Variants in TRPC4 observed in about 807,000 individuals in gnomAD.
The protein encoded by TRPC4 is short transient receptor potential channel 4.
Under a neutral mutation model 99.4 loss-of-function variants are expected in TRPC4, and 49 were observed. That is an observed-to-expected ratio of 0.49 (90% CI 0.39 to 0.63). The LOEUF (loss-of-function observed/expected upper bound fraction) is 0.63, where lower values mean the gene tolerates loss of function less well. TRPC4 is among the 20% of genes least tolerant of loss of function. The pLI, the probability that TRPC4 is intolerant of heterozygous loss-of-function variation, is 0.00. For synonymous variants in TRPC4, 454 were observed against 425.9 expected (o/e 1.07, Z -0.81); for missense variants, 898 against 1,152.9 (o/e 0.78, Z 3.20).
At chr13:37,697,167 A>G (rs151164974) in intron 3 of TRPC4, among the ~76,000 whole-genome samples, 1 of 152,278 alleles carries the variant, frequency 6.6e-6, no homozygotes, top group Non-Finnish European at 1.5e-5. Context: ...AGCCAATAGC[A>G]TTCAGCATCA....
chr13:37,744,896 G>C (rs1955693793), intron 3 of TRPC4, among the ~76,000 whole-genome samples: 1 of 152,002 alleles, frequency 6.6e-6, no homozygotes, highest in South Asian at 2.1e-4. Flanking sequence ...AGAAGTATGA[G>C]ATTCTGTTAT....
rs1555265679 is a variant in TRPC4, at chr13:37,745,452, A to ATATATATATGCG, written c.897+484_897+485insCGCATATATATA. Among the ~76,000 whole-genome samples the ATATATATATGCG allele has an allele frequency of 9.0e-3, 25 of 2,780 alleles. No homozygotes were observed. In the East Asian group the frequency reaches 0.1, roughly 11 times the overall value. 1.8% of individuals were successfully genotyped at this position (2,780 alleles called of 152,430 possible). ...TATATATGCGTATATATATATATAT[A>ATATATATATGCG]TATATATATATATATATATATACAC... On this transcript the variant is annotated intron_variant, in intron 3 of 10. Transcript: ENST00000379705.
chr13:37,817,878 A>G (rs1013492910), intron 1 of TRPC4, among the ~76,000 whole-genome samples: 5 of 152,004 alleles, frequency 3.3e-5, no homozygotes, highest in Non-Finnish European at 7.4e-5. Context: ...CATATAGAAA[A>G]ATCAACTCAT....
intron 3 of TRPC4, among the ~76,000 whole-genome samples, chr13:37,692,650 C>G (rs1953755922): frequency 6.6e-6 from 1 of 152,124 alleles, no homozygotes; most frequent in African/African-American, 2.4e-5. Context: ...GTGAACAAAG[C>G]AGTTTATAAA....
intron 5 of TRPC4, among the ~76,000 whole-genome samples, chr13:37,665,996 C>G (rs1952635467): frequency 6.6e-6 from 1 of 152,036 alleles, no homozygotes; most frequent in Non-Finnish European, 1.5e-5. Context: ...TATGCAAGGT[C>G]AAGGCTTTAG....
intron 3 of TRPC4, among the ~76,000 whole-genome samples, chr13:37,701,905 G>A (rs892240574): frequency 6.6e-6 from 1 of 152,048 alleles, no homozygotes; most frequent in African/African-American, 2.4e-5. Context: ...TAGTTCCTAA[G>A]GGCTGCCATA....
intron 2 of TRPC4, among the ~76,000 whole-genome samples, chr13:37,748,334 G>A (rs1294264848): frequency 6.6e-6 from 1 of 152,104 alleles, no homozygotes; most frequent in Non-Finnish European, 1.5e-5. Context: ...TCTGGATTCA[G>A]TACAATTTCA....
At chr13:37,753,523 C>A (rs1399704298) in intron 2 of TRPC4, among the ~76,000 whole-genome samples, 1 of 149,758 alleles carries the variant, frequency 6.7e-6, no homozygotes, top group South Asian at 2.1e-4. Context: ...TATGATTGCA[C>A]CCTGCCAGAC....
chr13:37,857,093 A>G (rs1242181556), intron 1 of TRPC4, among the ~76,000 whole-genome samples: 2 of 151,742 alleles, frequency 1.3e-5, no homozygotes, highest in Non-Finnish European at 3.0e-5. Context: ...AAGATACAAA[A>G]TTAATGTACA....
intron 1 of TRPC4, among the ~76,000 whole-genome samples, chr13:37,856,751 C>T (rs1403423087): frequency 6.6e-6 from 1 of 151,590 alleles, no homozygotes; most frequent in Non-Finnish European, 1.5e-5. Context: ...CAGTGTGATA[C>T]ATCATATAAA....
At chr13:37,848,670 A>T (rs1048543600) in intron 1 of TRPC4, among the ~76,000 whole-genome samples, 1 of 152,144 alleles carries the variant, frequency 6.6e-6, no homozygotes, top group African/African-American at 2.4e-5. Flanking sequence ...TTAGGAGATG[A>T]TCAAAAGGTT....
At chr13:37,774,419 T>C (rs993185401) in intron 2 of TRPC4, among the ~76,000 whole-genome samples, 4 of 151,830 alleles carry the variant, frequency 2.6e-5, no homozygotes, top group African/African-American at 9.7e-5. Context: ...AACGAGTGTA[T>C]AAAACATAAA....
intron 2 of TRPC4, among the ~76,000 whole-genome samples, chr13:37,761,415 G>A (rs1956219219): frequency 6.6e-6 from 1 of 151,896 alleles, no homozygotes; most frequent in Non-Finnish European, 1.5e-5. Flanking sequence ...AGGTAAGGCA[G>A]TTGCGACATC....
chr13:37,686,219 T>C (rs755413155), intron 4 of TRPC4, among the ~76,000 whole-genome samples: 1 of 152,018 alleles, frequency 6.6e-6, no homozygotes, highest in South Asian at 2.1e-4. Flanking sequence ...TCTTAATGAC[T>C]TTAGACAAAA....
chr13:37,674,164 C>A, intron 5 of TRPC4, 64 bp downstream of exon 5: 1 of 1,375,768 alleles, frequency 7.3e-7, no homozygotes, highest in Non-Finnish European at 9.6e-7. Flanking sequence ...AAATTAATAT[C>A]AGTTGAAAGT....
At chr13:37,646,088 G>A (rs546205944) in intron 8 of TRPC4, among the ~76,000 whole-genome samples, 4 of 152,320 alleles carry the variant, frequency 2.6e-5, no homozygotes, top group African/African-American at 7.2e-5. Flanking sequence ...TGTACTATGA[G>A]CATTTTTTCT....
At chr13:37,853,691 G>C (rs1437933783) in intron 1 of TRPC4, among the ~76,000 whole-genome samples, 2 of 152,030 alleles carry the variant, frequency 1.3e-5, no homozygotes, top group African/African-American at 2.4e-5. Flanking sequence ...CACAGGGAAG[G>C]AGTTCAGAAT....
At chr13:37,706,287 A>G (rs71439731) in intron 3 of TRPC4, among the ~76,000 whole-genome samples, 470 of 152,292 alleles carry the variant, frequency 3.1e-3, no homozygotes, top group South Asian at 0.021. Context: ...TGAAGTCAGT[A>G]ACCTCAACAA....
intron 4 of TRPC4, among the ~76,000 whole-genome samples, chr13:37,684,942 A>G (rs550102447): frequency 9.2e-5 from 14 of 152,096 alleles, no homozygotes; most frequent in Non-Finnish European, 1.8e-4. Context: ...GGTCATATCA[A>G]AGGACTTATT....
Sources: allele counts gnomAD v4.1 joint callset (sites outside exome capture counted in the v4.1 genomes callset), GRCh38; gene constraint gnomAD v4.1.1; transcripts MANE v1.5; gene names NCBI Gene and HGNC (gene_info 2026-07-23, HGNC 2026-07-21).